DYNC1LI1: variants seen among roughly 807,000 people sequenced by gnomAD.
DYNC1LI1 encodes the protein dynein cytoplasmic 1 light intermediate chain 1.
Under a neutral mutation model 63.8 loss-of-function variants are expected in DYNC1LI1, and 19 were observed. The ratio of observed to expected loss-of-function variants is 0.30; its 90% CI spans 0.21 to 0.44. The LOEUF (loss-of-function observed/expected upper bound fraction) is 0.44. Ranked by LOEUF, DYNC1LI1 falls within the 20% of genes least tolerant of loss-of-function variation. The pLI, the probability that DYNC1LI1 is intolerant of heterozygous loss-of-function variation, is 1.00. For synonymous variants in DYNC1LI1, 225 were observed against 232.3 expected (o/e 0.97, Z 0.28); for missense variants, 565 against 630.2 (o/e 0.90, Z 1.11).
chr3:32,527,772 A>G (rs1156825947), intron 12 of DYNC1LI1, among the ~76,000 whole-genome samples: 1 of 152,180 alleles, frequency 6.6e-6, no homozygotes, highest in African/African-American at 2.4e-5. Flanking sequence ...ATTACCCAGT[A>G]AACAGATAAA....
intron 2 of DYNC1LI1, among the ~76,000 whole-genome samples, chr3:32,554,142 T>C (rs1698080231): frequency 1.3e-5 from 2 of 152,258 alleles, no homozygotes; most frequent in Non-Finnish European, 2.9e-5. Flanking sequence ...TAATGCACTC[T>C]TCTTTGTGGA....
intron 2 of DYNC1LI1, among the ~76,000 whole-genome samples, chr3:32,548,749 T>G (rs1286426202): frequency 6.6e-6 from 1 of 152,158 alleles, no homozygotes; most frequent in Admixed American, 6.5e-5. Context: ...ATTTAAGTGT[T>G]CTCACAACAA....
At chr3:32,548,033 T>C (rs1275156829) in intron 2 of DYNC1LI1, among the ~76,000 whole-genome samples, 1 of 152,030 alleles carries the variant, frequency 6.6e-6, no homozygotes, top group South Asian at 2.1e-4. Flanking sequence ...TACACACACA[T>C]ACTCGCAATG....
intron 2 of DYNC1LI1, among the ~76,000 whole-genome samples, chr3:32,554,299 G>T (rs1698081966): frequency 6.6e-6 from 1 of 152,160 alleles, no homozygotes; most frequent in Non-Finnish European, 1.5e-5. Context: ...GTACTCTGTA[G>T]ATGTGTTTTA....
intron 12 of DYNC1LI1, among the ~76,000 whole-genome samples, 158 bp from the exon 13 acceptor site, chr3:32,527,066 G>C (rs971216771): frequency 6.6e-6 from 1 of 152,166 alleles, no homozygotes; most frequent in African/African-American, 2.4e-5. Flanking sequence ...TTCAAGCTGG[G>C]TGTGGTGGCT....
chr3:32,546,814 G>A (rs1697961028), intron 2 of DYNC1LI1, among the ~76,000 whole-genome samples: 1 of 152,132 alleles, frequency 6.6e-6, no homozygotes, highest in African/African-American at 2.4e-5. Context: ...GTGAGAAAAT[G>A]GGGATAACAA....
rs766534167 is a variant in DYNC1LI1, at chr3:32,534,639, T to C, written c.840A>G (p.Ala280=). ...HIRKFCLQYG[A]ALIYTSVKEN... is the part of the protein sequence containing the mutation. Reference sequence around the variant, plus strand: ...CTTTTACTGAAGTGTAAATAAGTGCTGCACCATCTGAATAATATGGTTAAA... The same window carrying C: ...CTTTTACTGAAGTGTAAATAAGTGCCGCACCATCTGAATAATATGGTTAAA... Residue 280 remains alanine, a synonymous_variant, in exon 7 of 13, where the codon GCA becomes GCG. Transcript: ENST00000273130. 133 of 1,574,284 alleles carry C rather than the reference T, an allele frequency of 8.4e-5. No homozygotes were observed. The highest frequency in any genetic ancestry group is 1.1e-4 in the Non-Finnish European group (127 of 1,164,302).
intron 2 of DYNC1LI1, among the ~76,000 whole-genome samples, chr3:32,558,403 TAAAAAAAAAAAAAAAA>T (rs533076265): frequency 2.2e-5 from 2 of 90,392 alleles, no homozygotes; most frequent in Non-Finnish European, 4.3e-5. Context: ...TTTAAAAATG[TAAAAAAAAAAAAAAAA>T]AAAAAAGAAA....
intron 8 of DYNC1LI1, chr3:32,532,219 A>C (rs1697707235): frequency 6.6e-6 from 1 of 152,112 alleles, no homozygotes; most frequent in Admixed American, 6.6e-5. Flanking sequence ...TAATCCCAGC[A>C]CTTTGGGAGG....
chr3:32,536,992 A>C lies in DYNC1LI1; in HGVS notation c.832+19T>G, dbSNP rs1697782870. On this transcript the variant is annotated intron_variant, in intron 6 of 12. Transcript: ENST00000273130. ...GGTAAAGTGATACACTGAATCAATAAATGTATTTAAAAGGATACACTGTAA... is the reference window on the plus strand; with the variant it reads ...GGTAAAGTGATACACTGAATCAATACATGTATTTAAAAGGATACACTGTAA... The C allele has an allele frequency of 7.3e-7, 1 of 1,361,338 alleles. No homozygotes were observed. Among genetic ancestry groups the C allele is most frequent in the African/African-American group, 1.5e-5 (1 of 68,418 alleles). The allele number at this position is 1,361,338 out of a possible 1,614,324, so 84.3% of individuals were successfully genotyped here.
In DYNC1LI1 at chr3:32,570,819, G is replaced by C. The variant is rs1394452767; in HGVS notation, c.-49C>G. 1.3e-6 allele frequency: 2 copies of C among 1,568,210 alleles called. No individual in the cohort carries two copies. Among genetic ancestry groups the C allele is most frequent in the Non-Finnish European group, 1.7e-6 (2 of 1,154,434 alleles). On this transcript the variant is annotated 5_prime_UTR_variant, in exon 1 of 13. Transcript: ENST00000273130. ...CCGGCAAGACTAAATGTGCGAGGCGGCTGAGGCGGTGGCGGTGGAGGCGGC... is the reference window on the plus strand; with the variant it reads ...CCGGCAAGACTAAATGTGCGAGGCGCCTGAGGCGGTGGCGGTGGAGGCGGC...
intron 5 of DYNC1LI1, among the ~76,000 whole-genome samples, chr3:32,539,283 T>C (rs1417298203): frequency 6.6e-6 from 1 of 152,184 alleles, no homozygotes; most frequent in Non-Finnish European, 1.5e-5. Context: ...TCCATTCCTT[T>C]GTTATGGATA....
chr3:32,527,698 A>G (rs1239146608), intron 12 of DYNC1LI1, among the ~76,000 whole-genome samples: 1 of 152,224 alleles, frequency 6.6e-6, no homozygotes, highest in African/African-American at 2.4e-5. Flanking sequence ...ATCCACACAA[A>G]AACGGATGTT....
chr3:32,547,474 A>G (rs1283121414), intron 2 of DYNC1LI1, among the ~76,000 whole-genome samples: 1 of 151,644 alleles, frequency 6.6e-6, no homozygotes, highest in African/African-American at 2.4e-5. Flanking sequence ...GTTAAGCTAA[A>G]AAAAACATAT....
intron 2 of DYNC1LI1, among the ~76,000 whole-genome samples, chr3:32,555,616 T>C (rs1202628017): frequency 6.6e-6 from 1 of 152,208 alleles, no homozygotes; most frequent in Non-Finnish European, 1.5e-5. Flanking sequence ...CACTTATAAG[T>C]GAGCATTCAC....
In DYNC1LI1 at chr3:32,526,842, G is replaced by C. The variant is rs747129200; in HGVS notation, c.1529C>G (p.Ser510Cys). Residue 510 changes from serine (S) to cysteine (C), a missense_variant, in exon 13 of 13, where the codon TCT (serine) becomes TGT (cysteine). Ser to Cys is a moderately radical substitution (Grantham distance 112). Coordinates refer to ENST00000273130, the MANE Select transcript of DYNC1LI1 (RefSeq NM_016141.4). ...DRITRKPVTV[S>C]PTTPTSPTEG... ...CGTAGGAGATGTAGGTGTTGTGGGA[G>C]AAACTGTAACTGGTTTTCGTGTAAT... 6.2e-7 allele frequency: 1 copy of C among 1,613,986 alleles called. No homozygotes were observed. Among genetic ancestry groups the C allele is most frequent in the South Asian group, 1.1e-5 (1 of 91,086 alleles).
intron 8 of DYNC1LI1, 134 bp from the exon 9 acceptor site, chr3:32,530,654 A>C: frequency 1.3e-6 from 1 of 768,338 alleles, no homozygotes; most frequent in Non-Finnish European, 2.1e-6. Flanking sequence ...TTATATTCAC[A>C]TGCGTGAGCT....
At chr3:32,537,152 CTAAA>C in intron 5 of DYNC1LI1, 48 bp from the exon 6 acceptor site, 1 of 1,065,064 alleles carries the variant, frequency 9.4e-7, no homozygotes, top group East Asian at 2.8e-5. Flanking sequence ...ATAATCATAA[CTAAA>C]TATAGTAATT....
At chr3:32,542,610 A>T (rs1055035407) in intron 4 of DYNC1LI1, among the ~76,000 whole-genome samples, 25 of 152,100 alleles carry the variant, frequency 1.6e-4, no homozygotes, top group Admixed American at 4.6e-4. Flanking sequence ...GTTTCATCAT[A>T]TCGGCCAGGC....
Sources: gnomAD v4.1 joint callset for allele counts (sites outside exome capture counted in the v4.1 genomes callset) on GRCh38, gnomAD v4.1.1 for gene constraint, MANE v1.5 for transcripts, NCBI Gene and HGNC (gene_info 2026-07-23, HGNC 2026-07-21) for gene names.